Variants in VMP1 observed in about 807,000 individuals in gnomAD.
VMP1 encodes vacuole membrane protein 1, also known as ectopic P-granules autophagy protein 3 homolog.
In VMP1, 11 loss-of-function variants were observed where a neutral mutation model predicts 56.0. The observed-to-expected ratio is 0.20, with a 90% CI of 0.12 to 0.32. VMP1 has a LOEUF of 0.32. Among genes scored for constraint, VMP1 ranks in the 10% least tolerant of loss-of-function variants. The pLI is 1.00. For missense variants in VMP1, 296 were observed against 490.3 expected, an observed-to-expected ratio of 0.60 and a Z score of 3.74; for synonymous variants, 149 against 165.0, an observed-to-expected ratio of 0.90 and a Z score of 0.74.
chr17:59,762,178 G>A (rs117101085), intron 5 of VMP1, among the ~76,000 whole-genome samples: 2,255 of 152,222 alleles, frequency 0.015, 24 homozygotes, highest in Non-Finnish European at 0.025. Flanking sequence ...TTCATCCGCC[G>A]TGAGACAGAA....
intron 10 of VMP1, among the ~76,000 whole-genome samples, chr17:59,835,786 G>A (rs1045209759): frequency 3.3e-4 from 49 of 149,848 alleles, no homozygotes; most frequent in Admixed American, 2.8e-3. Context: ...CACTGCTCCC[G>A]GCCACATAAA....
intron 10 of VMP1, among the ~76,000 whole-genome samples, chr17:59,832,714 C>T (rs2038853827): frequency 6.6e-6 from 1 of 151,632 alleles, no homozygotes; most frequent in Non-Finnish European, 1.5e-5. Flanking sequence ...CTTCCTCAGC[C>T]TCCCGAGTAG....
At chr17:59,776,471 T>A (rs1212645001) in intron 7 of VMP1, among the ~76,000 whole-genome samples, 1 of 152,218 alleles carries the variant, frequency 6.6e-6, no homozygotes, top group African/African-American at 2.4e-5. Context: ...TATAAACTTT[T>A]AAAATTATTT....
At position 59,808,807 on chromosome 17, in the gene VMP1, C is replaced by T. The variant is rs774963319; in HGVS notation, c.726C>T (p.Ser242=). ...TTGCCTTTTTACAGGACTTTGCCTC[C>T]CGGGCCAAACTGGCAGTTCAAAAAC... is the stretch of plus-strand genomic sequence containing the variant. The part of the protein sequence containing the change: ...EHAESAQDFA[S]RAKLAVQKLV... The change falls in exon 8 of 12, where the codon TCC becomes TCT. Residue 242 remains serine (S), a synonymous_variant. Transcript: ENST00000262291. 5.6e-6 allele frequency: 9 copies of T among 1,613,772 alleles called. No homozygotes were observed. The highest frequency in any genetic ancestry group is 7.6e-6 in the Non-Finnish European group (9 of 1,179,930).
chr17:59,714,998 A>T (rs934146931), intron 1 of VMP1, among the ~76,000 whole-genome samples: 3 of 152,104 alleles, frequency 2.0e-5, no homozygotes, highest in African/African-American at 7.2e-5. Context: ...TGTATTCTCT[A>T]TTCTTTTCCA....
chr17:59,768,848 T>G (rs910986160), intron 6 of VMP1, among the ~76,000 whole-genome samples: 3 of 151,506 alleles, frequency 2.0e-5, no homozygotes, highest in Non-Finnish European at 2.9e-5. Flanking sequence ...TAGCTGGGCA[T>G]GATGACAGGC....
intron 5 of VMP1, among the ~76,000 whole-genome samples, chr17:59,757,238 GAGATAGATAGATAGAT>G (rs72408206): frequency 0.036 from 5,309 of 146,852 alleles, 278 homozygotes; most frequent in African/African-American, 0.11. Flanking sequence ...GATTAGGATG[GAGATAGATAGATAGAT>G]AGATAGATAG....
Position 59,764,996 on chromosome 17 carries a change from T to C in VMP1, c.440T>C (p.Leu147Ser), listed in dbSNP as rs757527581. The C allele has an allele frequency of 6.2e-7, 1 of 1,612,632 alleles. No homozygotes were observed. The highest frequency in any genetic ancestry group is 1.1e-5 in the South Asian group (1 of 90,770). ...GGTCCACATATAGCCTCAGTTACAT[T>C]AGCTGCTTATGAATGCAATTCAGTT... ...YLGPHIASVT[L>S]AAYECNSVNF... The change falls in exon 6 of 12, where the codon TTA becomes TCA. Residue 147 changes from leucine (L) to serine (S), a missense_variant. Transcript: ENST00000262291.
intron 1 of VMP1, 185 bp downstream of exon 1, chr17:59,707,933 A>G (rs2033742896): frequency 6.6e-6 from 1 of 152,202 alleles, no homozygotes; most frequent in Non-Finnish European, 1.5e-5. Flanking sequence ...GGCGGTAGCC[A>G]GGTTATTTGG....
At chr17:59,801,540 C>CA (rs2037664563) in intron 7 of VMP1, among the ~76,000 whole-genome samples, 1 of 152,074 alleles carries the variant, frequency 6.6e-6, no homozygotes. Context: ...AGGCATGAGC[C>CA]ACTGTGCCTG....
chr17:59,827,475 C>T (rs542439483), intron 10 of VMP1, among the ~76,000 whole-genome samples: 2 of 152,034 alleles, frequency 1.3e-5, no homozygotes, highest in African/African-American at 2.4e-5. Flanking sequence ...CACCACCACC[C>T]CCAGCTAATT....
At position 59,757,859 on chromosome 17, in the gene VMP1, C is replaced by CTTTTTTTTTTTTTTT. The variant is rs66605258; in HGVS notation, c.415-7101_415-7087dup. Reference sequence around the variant, plus strand: ...AAATAAAACAGACCTTTATTTGCCACTTTTTTTTTTTTTTTTTTTTTTTTT... The same window carrying CTTTTTTTTTTTTTTT: ...AAATAAAACAGACCTTTATTTGCCACTTTTTTTTTTTTTTTTTTTTTTTTTTTTTTTTTTTTTTTT... On this transcript the variant is annotated intron_variant, in intron 5 of 11. Transcript: ENST00000262291. 2.6e-4 allele frequency among the ~76,000 whole-genome samples: 24 copies of CTTTTTTTTTTTTTTT among 91,294 alleles called. 1 individual carries two copies. The highest frequency in any genetic ancestry group is 9.5e-4 in the African/African-American group (23 of 24,106). The allele number at this position is 91,294 out of a possible 152,430, so 59.9% of individuals were successfully genotyped here.
chr17:59,745,392 T>G (rs904656243), intron 5 of VMP1, among the ~76,000 whole-genome samples: 1 of 152,220 alleles, frequency 6.6e-6, no homozygotes, highest in Non-Finnish European at 1.5e-5. Context: ...AAGCGTAAAC[T>G]ATTTACTTGT....
intron 5 of VMP1, among the ~76,000 whole-genome samples, chr17:59,752,027 G>C (rs1224064444): frequency 6.6e-6 from 1 of 152,018 alleles, no homozygotes; most frequent in Non-Finnish European, 1.5e-5. Flanking sequence ...TGCCCAGGCT[G>C]GTCTCAAACT....
At chr17:59,788,735 G>A (rs1373247866) in intron 7 of VMP1, among the ~76,000 whole-genome samples, 1 of 150,660 alleles carries the variant, frequency 6.6e-6, no homozygotes, top group Non-Finnish European at 1.5e-5. Context: ...TGAACCCAGA[G>A]GCAGAAGTTG....
At chr17:59,757,859 C>CCTTTTTT (rs776520537) in intron 5 of VMP1, among the ~76,000 whole-genome samples, 5 of 91,254 alleles carry the variant, frequency 5.5e-5, no homozygotes, top group African/African-American at 2.1e-4. Context: ...TTATTTGCCA[C>CCTTTTTT]TTTTTTTTTT....
In VMP1 at chr17:59,825,808, G is replaced by T. The variant is rs534197459; in HGVS notation, c.974+8035G>T. 2.6e-5 allele frequency among the ~76,000 whole-genome samples: 4 copies of T among 152,336 alleles called. No individual in the cohort carries two copies. In the East Asian group the frequency reaches 7.7e-4, roughly 29 times the overall value. On this transcript the variant is annotated intron_variant, in intron 10 of 11. Transcript: ENST00000262291. ...GATGCTTGACCTCAGAGTCAGGCTT[G>T]CCTGTGGCAAGAGAGATCATTTTAA... is the stretch of plus-strand genomic sequence containing the variant.
intron 10 of VMP1, among the ~76,000 whole-genome samples, chr17:59,818,467 G>A (rs1568206300): frequency 6.6e-6 from 1 of 151,992 alleles, no homozygotes; most frequent in Non-Finnish European, 1.5e-5. Flanking sequence ...AGAAAAATTA[G>A]GTTATTTTAA....
At chr17:59,742,633 G>A (rs536384062) in intron 5 of VMP1, among the ~76,000 whole-genome samples, 1 of 151,886 alleles carries the variant, frequency 6.6e-6, no homozygotes, top group African/African-American at 2.4e-5. Flanking sequence ...TACACCAGGG[G>A]TCCCTAATCC....
Sources: allele counts gnomAD v4.1 joint callset (sites outside exome capture counted in the v4.1 genomes callset), GRCh38; gene constraint gnomAD v4.1.1; transcripts MANE v1.5; gene names NCBI Gene and HGNC (gene_info 2026-07-23, HGNC 2026-07-21).